Variants in SETBP1 observed in about 807,000 individuals in gnomAD.
SETBP1 encodes SET binding protein 1.
Under a neutral mutation model 101.0 loss-of-function variants are expected in SETBP1, and 9 were observed. The observed-to-expected ratio is 0.09, with a 90% CI of 0.05 to 0.16. SETBP1 has a LOEUF of 0.16. Ranked by LOEUF, SETBP1 falls within the 10% of genes least tolerant of loss-of-function variation. The pLI is 1.00. For synonymous variants in SETBP1, 818 were observed against 788.5 expected (o/e 1.04, Z -0.63); for missense variants, 1,858 against 2,033.8 (o/e 0.91, Z 1.66).
Position 44,701,271 on chromosome 18 carries a change from T to G in SETBP1, c.-76T>G. The G allele has an allele frequency of 6.9e-7, 1 of 1,439,124 alleles. No homozygotes were observed. Among genetic ancestry groups the G allele is most frequent in the Non-Finnish European group, 9.2e-7 (1 of 1,091,220 alleles). The allele number at this position is 1,439,124 out of a possible 1,614,324, so 89.1% of individuals were successfully genotyped here. On this transcript the variant is annotated 5_prime_UTR_variant, in exon 2 of 6. Coordinates refer to ENST00000649279, the MANE Select transcript of SETBP1 (RefSeq NM_015559.3). ...CACTTTGTTCTTGGAATTTTGGGTG[T>G]CCTCTTTTCTCACCTTTCCCTTTTC...
chr18:45,054,630 G>A (rs764273372), intron 5 of SETBP1, among the ~76,000 whole-genome samples: 2 of 152,176 alleles, frequency 1.3e-5, no homozygotes, highest in Non-Finnish European at 2.9e-5. Context: ...TCTTTTGCTG[G>A]TTCTCTTATT....
chr18:45,039,981 T>C (rs1226521485), intron 5 of SETBP1, among the ~76,000 whole-genome samples: 1 of 152,180 alleles, frequency 6.6e-6, no homozygotes, highest in Non-Finnish European at 1.5e-5. Flanking sequence ...CCTGGTTCCT[T>C]CCTGCAGGGC....
At chr18:44,754,304 C>T (rs938540987) in intron 2 of SETBP1, among the ~76,000 whole-genome samples, 2 of 152,128 alleles carry the variant, frequency 1.3e-5, no homozygotes, top group African/African-American at 4.8e-5. Flanking sequence ...CACAGTGAGA[C>T]TTCTGTAGGG....
chr18:44,898,162 G>T (rs2069953209), intron 3 of SETBP1, among the ~76,000 whole-genome samples: 1 of 152,128 alleles, frequency 6.6e-6, no homozygotes, highest in Admixed American at 6.5e-5. Flanking sequence ...GGATCCCACA[G>T]CAGTGACCCA....
chr18:45,051,748 T>C (rs1324706296), intron 5 of SETBP1, among the ~76,000 whole-genome samples: 1 of 152,236 alleles, frequency 6.6e-6, no homozygotes, highest in Non-Finnish European at 1.5e-5. Flanking sequence ...GTTTTCTTGG[T>C]GACTCTTAAT....
intron 4 of SETBP1, among the ~76,000 whole-genome samples, chr18:44,960,326 G>A (rs970620317): frequency 1.3e-5 from 2 of 152,090 alleles, no homozygotes; most frequent in Non-Finnish European, 2.9e-5. Flanking sequence ...TTAATCAAGC[G>A]AGCAGTGGCA....
chr18:44,872,746 G>T (rs1410485843), intron 3 of SETBP1, among the ~76,000 whole-genome samples: 1 of 152,250 alleles, frequency 6.6e-6, no homozygotes, highest in Non-Finnish European at 1.5e-5. Flanking sequence ...ACGTGCTTGT[G>T]CACATGCTTA....
intron 3 of SETBP1, among the ~76,000 whole-genome samples, chr18:44,922,831 C>T (rs1438314821): frequency 6.6e-6 from 1 of 152,174 alleles, no homozygotes; most frequent in Non-Finnish European, 1.5e-5. Flanking sequence ...CAGGTTCTAA[C>T]TTAAGATGGT....
chr18:44,710,880 C>A (rs147932992), intron 2 of SETBP1, among the ~76,000 whole-genome samples: 9 of 152,318 alleles, frequency 5.9e-5, no homozygotes, highest in Admixed American at 3.9e-4. Flanking sequence ...GGCACTAAGG[C>A]TCTGATCACT....
chr18:44,689,564 C>T (rs892612176), intron 1 of SETBP1, among the ~76,000 whole-genome samples: 8 of 152,290 alleles, frequency 5.3e-5, no homozygotes, highest in African/African-American at 1.9e-4. Context: ...GTGAAAGATG[C>T]TCTAAGAGCC....
At chr18:44,931,937 A>C (rs1248489139) in intron 3 of SETBP1, among the ~76,000 whole-genome samples, 2 of 152,286 alleles carry the variant, frequency 1.3e-5, no homozygotes, top group East Asian at 1.9e-4. Context: ...TAGCCCATTT[A>C]CATTTAAGGT....
chr18:44,725,967 G>T (rs917007767), intron 2 of SETBP1, among the ~76,000 whole-genome samples: 2 of 152,154 alleles, frequency 1.3e-5, no homozygotes, highest in African/African-American at 2.4e-5. Flanking sequence ...GGCATGAGAA[G>T]CTTCAAAGGG....
At chr18:44,693,689 A>G (rs2068970078) in intron 1 of SETBP1, among the ~76,000 whole-genome samples, 1 of 152,236 alleles carries the variant, frequency 6.6e-6, no homozygotes, top group Admixed American at 6.5e-5. Flanking sequence ...AGAGATTCTT[A>G]TAACTATAGG....
chr18:44,866,645 G>A (rs1599246544), intron 2 of SETBP1, among the ~76,000 whole-genome samples: 1 of 152,214 alleles, frequency 6.6e-6, no homozygotes, highest in Non-Finnish European at 1.5e-5. Flanking sequence ...AGGGTCTGGA[G>A]AATTTGAGCA....
intron 2 of SETBP1, among the ~76,000 whole-genome samples, chr18:44,743,320 A>G (rs1025307014): frequency 3.9e-5 from 6 of 152,180 alleles, no homozygotes; most frequent in Non-Finnish European, 7.3e-5. Context: ...GGGAAGGGTA[A>G]GAAAAAAAAG....
intron 2 of SETBP1, among the ~76,000 whole-genome samples, chr18:44,839,367 GGAA>G (rs1438927735): frequency 1.3e-5 from 2 of 152,226 alleles, no homozygotes; most frequent in Non-Finnish European, 2.9e-5. Flanking sequence ...GAATGGGGAA[GGAA>G]GAAGAATGAG....
chr18:44,915,092 T>C (rs995354037), intron 3 of SETBP1, among the ~76,000 whole-genome samples: 1 of 152,144 alleles, frequency 6.6e-6, no homozygotes, highest in African/African-American at 2.4e-5. Flanking sequence ...AAATTCGTAA[T>C]GAAGAAATTT....
At chr18:45,019,565 C>G (rs912373237) in intron 4 of SETBP1, among the ~76,000 whole-genome samples, 1 of 152,174 alleles carries the variant, frequency 6.6e-6, no homozygotes, top group East Asian at 1.9e-4. Context: ...TTCCTTTCTT[C>G]TCTTTGGGAA....
chr18:44,930,052 G>T (rs969983614), intron 3 of SETBP1, among the ~76,000 whole-genome samples: 1 of 152,184 alleles, frequency 6.6e-6, no homozygotes. Flanking sequence ...TGCCCATTCA[G>T]TATGATATTG....
Sources: gnomAD v4.1 joint callset for allele counts (sites outside exome capture counted in the v4.1 genomes callset) on GRCh38, gnomAD v4.1.1 for gene constraint, MANE v1.5 for transcripts, NCBI Gene and HGNC (gene_info 2026-07-23, HGNC 2026-07-21) for gene names.